Variants in KCNG2 observed in about 807,000 individuals in gnomAD.
KCNG2 encodes voltage-gated potassium channel regulatory subunit KCNG2.
KCNG2 carries 7 observed loss-of-function variants against 12.3 expected under a neutral mutation model. That is an observed-to-expected ratio of 0.57 (90% confidence interval 0.32 to 1.07). The LOEUF is 1.07. Among genes scored for constraint, KCNG2 ranks in the 50% least tolerant of loss-of-function variants. The pLI, the probability that KCNG2 is intolerant of heterozygous loss-of-function variation, is 0.04. For missense variants in KCNG2, 703 were observed against 726.0 expected, an observed-to-expected ratio of 0.97 and a Z score of 0.36; for synonymous variants, 414 against 351.4, an observed-to-expected ratio of 1.18 and a Z score of -1.99.
At chr18:79,840,912 C>G (rs530652192) in intron 1 of KCNG2, among the ~76,000 whole-genome samples, 1 of 152,198 alleles carries the variant, frequency 6.6e-6, no homozygotes, top group South Asian at 2.1e-4. Flanking sequence ...TAATCCCACA[C>G]CTTATACAAA....
intron 3 of KCNG2, among the ~76,000 whole-genome samples, chr18:79,881,260 T>C (rs541630732): frequency 2.1e-4 from 32 of 152,176 alleles, no homozygotes; most frequent in Non-Finnish European, 3.8e-4. Flanking sequence ...GGACTGCCTA[T>C]GTAGAAACAC....
intron 1 of KCNG2, among the ~76,000 whole-genome samples, chr18:79,801,401 TCCTC>T (rs1411330233): frequency 6.6e-6 from 1 of 152,168 alleles, no homozygotes; most frequent in Non-Finnish European, 1.5e-5. Flanking sequence ...CAGGTCCAGG[TCCTC>T]CATCCCTGCT....
chr18:79,852,965 C>A (rs1978877673), intron 1 of KCNG2, among the ~76,000 whole-genome samples: 1 of 152,230 alleles, frequency 6.6e-6, no homozygotes, highest in South Asian at 2.1e-4. Context: ...ACCAGTTCCA[C>A]CCACTCCCAC....
At chr18:79,829,495 G>C (rs570484083) in intron 1 of KCNG2, among the ~76,000 whole-genome samples, 1 of 152,076 alleles carries the variant, frequency 6.6e-6, no homozygotes, top group African/African-American at 2.4e-5. Flanking sequence ...ATGGCTTGTG[G>C]GTCTTTGCCT....
At position 79,899,460 on chromosome 18, in the gene KCNG2, G is replaced by A. The variant is rs752883756; in HGVS notation, c.1045G>A (p.Ala349Thr). 1.3e-5 allele frequency: 21 copies of A among 1,603,034 alleles called. No homozygotes were observed. Among genetic ancestry groups the A allele is most frequent in the Admixed American group, 5.1e-5 (3 of 59,112 alleles). Reference sequence around the variant, plus strand: ...GCACCTGGCCGAGCGCGAGCTGGGCGCGCGCCGCGACTTCTCCAGCGTGCC... The same window carrying A: ...GCACCTGGCCGAGCGCGAGCTGGGCACGCGCCGCGACTTCTCCAGCGTGCC... ...LVHLAERELGARRDFSSVPAS... is the reference protein window; with the variant it reads ...LVHLAERELGTRRDFSSVPAS... Residue 349 changes from alanine (A) to threonine (T), a missense_variant, in exon 4 of 4, where the codon GCG (alanine) becomes ACG (threonine). By Grantham distance (58) the Ala-to-Thr change is moderately conservative (BLOSUM62 0). Coordinates refer to ENST00000316249, the MANE Select transcript of KCNG2 (RefSeq NM_012283.2).
intron 2 of KCNG2, among the ~76,000 whole-genome samples, chr18:79,859,613 A>G (rs1458499165): frequency 2.0e-5 from 3 of 152,144 alleles, no homozygotes; most frequent in African/African-American, 7.2e-5. Context: ...ATTAGGCCCC[A>G]CCTCCGACAC....
chr18:79,843,685 A>T (rs1978533536), intron 1 of KCNG2, among the ~76,000 whole-genome samples: 1 of 152,204 alleles, frequency 6.6e-6, no homozygotes, highest in South Asian at 2.1e-4. Context: ...AAGATATTTT[A>T]TGTATGCCTC....
chr18:79,827,698 C>A (rs540893974), intron 1 of KCNG2, among the ~76,000 whole-genome samples: 14 of 152,258 alleles, frequency 9.2e-5, no homozygotes, highest in Middle Eastern at 3.4e-3. Flanking sequence ...CCTGGAACCC[C>A]GCTTATTACC....
intron 1 of KCNG2, among the ~76,000 whole-genome samples, chr18:79,833,904 G>A (rs376904786): frequency 3.9e-5 from 6 of 152,200 alleles, no homozygotes; most frequent in South Asian, 2.1e-4. Flanking sequence ...CAAGGGTGGC[G>A]ATCCTTGCTA....
At chr18:79,826,769 G>A (rs1048574217) in intron 1 of KCNG2, among the ~76,000 whole-genome samples, 1 of 127,666 alleles carries the variant, frequency 7.8e-6, no homozygotes, top group East Asian at 2.5e-4. Flanking sequence ...CGGAAGGTTA[G>A]TTCGGCGCGT....
chr18:79,872,574 G>T (rs532631991), intron 3 of KCNG2, among the ~76,000 whole-genome samples: 1 of 152,106 alleles, frequency 6.6e-6, no homozygotes, highest in Non-Finnish European at 1.5e-5. Context: ...CGGAGGCACC[G>T]CGCCCGGCCA....
rs1015540531 is a variant in KCNG2 at position 79,864,040 on chromosome 18, C to A, written c.373C>A (p.Arg125Ser). The A allele has an allele frequency of 4.4e-6, 5 of 1,136,774 alleles. No individual in the cohort carries two copies. Among genetic ancestry groups the A allele is most frequent in the Non-Finnish European group, 5.4e-6 (5 of 927,622 alleles). The allele number at this position is 1,136,774 out of a possible 1,614,324, so 70.4% of individuals were successfully genotyped here. ...LERCCLRRLR[R>S]REEEAAEARA... ...GCGCTGCTGCCTGCGCCGCCTGCGCCGCCGCGAGGAGGAGGCGGCCGAGGC... is the reference window on the plus strand; with the variant it reads ...GCGCTGCTGCCTGCGCCGCCTGCGCAGCCGCGAGGAGGAGGCGGCCGAGGC... The change falls in exon 3 of 4, where the codon CGC becomes AGC. Residue 125 changes from arginine to serine, a missense_variant. By Grantham distance (110) the Arg-to-Ser change is moderately radical (BLOSUM62 -1). Coordinates refer to ENST00000316249, the MANE Select transcript of KCNG2 (RefSeq NM_012283.2).
chr18:79,814,829 C>T lies in KCNG2; in HGVS notation c.-115+16815C>T, dbSNP rs535368973. ...TAGAAGTTCTGGGTAAATAAGTCAC[C>T]TTAAAAGTAGTTACCTGTGGGGAGC... On this transcript the variant is annotated intron_variant, in intron 1 of 3. Coordinates refer to ENST00000316249, the MANE Select transcript of KCNG2 (RefSeq NM_012283.2). Among the ~76,000 whole-genome samples the T allele has an allele frequency of 2.6e-5, 4 of 151,592 alleles. No individual in the cohort carries two copies. The East Asian group carries it at 7.8e-4, about 29-fold the overall frequency.
chr18:79,811,642 CA>C (rs2087494886), intron 1 of KCNG2, among the ~76,000 whole-genome samples: 2 of 152,196 alleles, frequency 1.3e-5, no homozygotes, highest in South Asian at 2.1e-4. Context: ...CAAGCTGAAT[CA>C]GATGTTGGTT....
Position 79,822,342 on chromosome 18 carries a change from G to A in KCNG2, c.-115+24328G>A, listed in dbSNP as rs2087577180. Among the ~76,000 whole-genome samples, 2 of 152,138 alleles carry A rather than the reference G, an allele frequency of 1.3e-5. No individual in the cohort carries two copies. Among genetic ancestry groups the A allele is most frequent in the African/African-American group, 2.4e-5 (1 of 41,414 alleles). On this transcript the variant is annotated intron_variant, in intron 1 of 3. Transcript: ENST00000316249. The surrounding 1 kb of genome is among the most constrained non-coding windows in gnomAD (Gnocchi z 4.4). The stretch of plus-strand genomic sequence containing the variant: ...ACCGCGTTCTTCATACTAGAGCCAC[G>A]GTTCTGTCCAGGGCCCCTCACCATC...
chr18:79,864,459 G>A (rs1265652542), intron 3 of KCNG2, among the ~76,000 whole-genome samples, 168 bp downstream of exon 3: 5 of 152,046 alleles, frequency 3.3e-5, no homozygotes, highest in South Asian at 4.2e-4. Flanking sequence ...GGCTGGAGGC[G>A]GCCGGGCTGA....
At chr18:79,898,367 G>A (rs1251630862) in intron 3 of KCNG2, among the ~76,000 whole-genome samples, 2 of 152,190 alleles carry the variant, frequency 1.3e-5, no homozygotes, top group Non-Finnish European at 2.9e-5. Flanking sequence ...ACTGCAGCAA[G>A]GGCAGTCAGG....
chr18:79,800,326 A>G lies in KCNG2; in HGVS notation c.-115+2312A>G, dbSNP rs1331918467. On this transcript the variant is annotated intron_variant, in intron 1 of 3. Transcript: ENST00000316249. The surrounding 1 kb of genome is among the most constrained non-coding windows in gnomAD (Gnocchi z 4.0). ...ATTTTGTAATGAATGGGGATATCTT[A>G]GGGCTAACGCTTGGTCAGGGATGTT... 6.6e-6 allele frequency among the ~76,000 whole-genome samples: 1 copy of G among 151,808 alleles called. No homozygotes were observed. The highest frequency in any genetic ancestry group is 2.4e-5 in the African/African-American group (1 of 41,278).
At chr18:79,894,355 A>G (rs1279232590) in intron 3 of KCNG2, among the ~76,000 whole-genome samples, 1 of 142,272 alleles carries the variant, frequency 7.0e-6, no homozygotes, top group African/African-American at 2.6e-5. Context: ...TGTTCACTCC[A>G]TTCATAACGA....
Sources: gnomAD v4.1 joint callset for allele counts (sites outside exome capture counted in the v4.1 genomes callset) on GRCh38, gnomAD v4.1.1 for gene constraint, Gnocchi (gnomAD v3.1) non-coding constraint, MANE v1.5 for transcripts, NCBI Gene and HGNC (gene_info 2026-07-23, HGNC 2026-07-21) for gene names.